The following SYNE2 variants were observed in gnomAD, a reference collection of about 807,000 sequenced individuals.
The protein encoded by SYNE2 is spectrin repeat containing nuclear envelope protein 2.
SYNE2 carries 431 observed loss-of-function variants against 856.3 expected under a neutral mutation model. That is an observed-to-expected ratio of 0.50 (90% CI 0.47 to 0.55). The LOEUF (loss-of-function observed/expected upper bound fraction) is 0.55, where lower values mean the gene tolerates loss of function less well. Ranked by LOEUF, SYNE2 falls within the 20% of genes least tolerant of loss-of-function variation. The pLI, the probability that SYNE2 is intolerant of heterozygous loss-of-function variation, is 0.00. For missense variants in SYNE2, 8,129 were observed against 8,023.2 expected (o/e 1.01, Z -0.50); for synonymous variants, 2,923 against 2,872.3 (o/e 1.02, Z -0.56).
chr14:63,914,507 A>G (rs1231868022), intron 2 of SYNE2, among the ~76,000 whole-genome samples: 1 of 152,204 alleles, frequency 6.6e-6, no homozygotes, highest in African/African-American at 2.4e-5. Flanking sequence ...AGGTACAGGA[A>G]GGCTGGAAAA....
At chr14:64,047,801 TC>T (rs1461715867) in intron 45 of SYNE2, among the ~76,000 whole-genome samples, 198 bp from the exon 46 acceptor site, 4 of 152,188 alleles carry the variant, frequency 2.6e-5, no homozygotes, top group African/African-American at 9.6e-5. Flanking sequence ...TACTACTTTG[TC>T]AAAGAAGGTT....
At chr14:63,943,400 A>AT (rs1351212724) in intron 6 of SYNE2, among the ~76,000 whole-genome samples, 1 of 152,192 alleles carries the variant, frequency 6.6e-6, no homozygotes, top group African/African-American at 2.4e-5. Context: ...CTCCATAATT[A>AT]TTTTAAAAAT....
chr14:64,038,105 GCTC>G (rs981315793), intron 45 of SYNE2, among the ~76,000 whole-genome samples: 1 of 151,968 alleles, frequency 6.6e-6, no homozygotes, highest in African/African-American at 2.4e-5. Flanking sequence ...GGGCAGAGAT[GCTC>G]CTCATCTCCC....
At chr14:63,974,892 G>GTATGTATATATATATATATA (rs2096527541) in intron 11 of SYNE2, among the ~76,000 whole-genome samples, 1 of 67,322 alleles carries the variant, frequency 1.5e-5, no homozygotes, top group Admixed American at 2.4e-4. Context: ...GTGTGTGTGT[G>GTATGTATATATATATATATA]TATATATATA....
At chr14:63,912,780 T>G (rs999079922) in intron 2 of SYNE2, among the ~76,000 whole-genome samples, 10 of 152,242 alleles carry the variant, frequency 6.6e-5, no homozygotes, top group Admixed American at 1.3e-4. Flanking sequence ...ATAGCCCGTA[T>G]GTACAGGGCC....
At chr14:64,047,745 A>G (rs765268906) in intron 45 of SYNE2, among the ~76,000 whole-genome samples, 2 of 152,134 alleles carry the variant, frequency 1.3e-5, no homozygotes, top group Non-Finnish European at 2.9e-5. Flanking sequence ...TGTCTTTAAG[A>G]CTATAGATTT....
intron 1 of SYNE2, among the ~76,000 whole-genome samples, chr14:63,891,977 A>G (rs1433291528): frequency 6.6e-6 from 1 of 152,148 alleles, no homozygotes; most frequent in Non-Finnish European, 1.5e-5. Flanking sequence ...ATTGGCAAAT[A>G]TTTTTCTCAA....
intron 96 of SYNE2, among the ~76,000 whole-genome samples, chr14:64,179,445 A>G (rs771186045): frequency 6.6e-6 from 1 of 152,234 alleles, no homozygotes; most frequent in Non-Finnish European, 1.5e-5. Flanking sequence ...CTGGCCTACA[A>G]TGTAACTTTT....
At chr14:64,139,652 A>G (rs1163035557) in intron 79 of SYNE2, among the ~76,000 whole-genome samples, 1 of 152,008 alleles carries the variant, frequency 6.6e-6, no homozygotes, top group Non-Finnish European at 1.5e-5. Flanking sequence ...ACCTCAGGCA[A>G]TCCACCTTTT....
At chr14:64,089,497 A>C in intron 58 of SYNE2, 77 bp from the exon 59 acceptor site, 1 of 1,456,352 alleles carries the variant, frequency 6.9e-7, no homozygotes, top group Non-Finnish European at 9.4e-7. Context: ...AGAGAATAAA[A>C]TTAATGCCAA....
chr14:63,935,919 G>T (rs2095824944), intron 2 of SYNE2, among the ~76,000 whole-genome samples: 1 of 152,146 alleles, frequency 6.6e-6, no homozygotes, highest in Non-Finnish European at 1.5e-5. Context: ...CTGTCACCCG[G>T]GCTGGAGTGC....
chr14:64,089,281 G>GCTTGAAC (rs1417636260), intron 58 of SYNE2, among the ~76,000 whole-genome samples: 1 of 147,136 alleles, frequency 6.8e-6, no homozygotes, highest in Non-Finnish European at 1.5e-5. Flanking sequence ...CAGGAGAATC[G>GCTTGAAC]CTTGAACCTG....
At chr14:64,037,021 CAG>C (rs1454975211) in intron 45 of SYNE2, among the ~76,000 whole-genome samples, 7 of 152,090 alleles carry the variant, frequency 4.6e-5, no homozygotes, top group Non-Finnish European at 8.8e-5. Context: ...ACTGTAGTGT[CAG>C]AGAGAGCTCC....
rs1315906572 is a variant in SYNE2 at position 64,009,958 on chromosome 14, A to G, written c.4578-8A>G. 8.1e-6 allele frequency: 13 copies of G among 1,612,230 alleles called. No homozygotes were observed. In the East Asian group the frequency reaches 1.8e-4, roughly 22 times the overall value. On this transcript the variant is annotated splice_region_variant and splice_polypyrimidine_tract_variant and intron_variant, in intron 31 of 115. Transcript: ENST00000555002. ...ACATTTAGCTATTGTATATTTTTCT[A>G]TTCTTAGTCTTGAACAATGTGGGAG...
intron 1 of SYNE2, among the ~76,000 whole-genome samples, chr14:63,900,597 G>A (rs1158768804): frequency 2.0e-5 from 3 of 152,152 alleles, no homozygotes; most frequent in Non-Finnish European, 4.4e-5. Context: ...TAAAATTCAG[G>A]ATGAGATTTG....
At chr14:64,015,799 C>G (rs2096887959) in intron 32 of SYNE2, among the ~76,000 whole-genome samples, 2 of 151,892 alleles carry the variant, frequency 1.3e-5, no homozygotes, top group African/African-American at 4.8e-5. Flanking sequence ...TCAGACTTTT[C>G]CTCATTTTTA....
chr14:63,958,184 A>G (rs896229908), intron 8 of SYNE2, among the ~76,000 whole-genome samples: 17 of 152,230 alleles, frequency 1.1e-4, no homozygotes, highest in African/African-American at 3.6e-4. Flanking sequence ...TACATTTGTT[A>G]TAATTAATGA....
chr14:64,096,223 A>T (rs908262838), intron 61 of SYNE2, among the ~76,000 whole-genome samples: 12 of 152,338 alleles, frequency 7.9e-5, no homozygotes, highest in African/African-American at 2.4e-4. Flanking sequence ...GACATTCTTA[A>T]GGAAAATGGA....
intron 17 of SYNE2, 142 bp downstream of exon 17, chr14:63,982,936 T>C (rs987563164): frequency 1.2e-6 from 1 of 843,122 alleles, no homozygotes; most frequent in Non-Finnish European, 1.9e-6. Flanking sequence ...AGAACATTTT[T>C]ATTACTTCAT....
Sources: allele counts gnomAD v4.1 joint callset (sites outside exome capture counted in the v4.1 genomes callset), GRCh38; gene constraint gnomAD v4.1.1; transcripts MANE v1.5; gene names NCBI Gene and HGNC (gene_info 2026-07-23, HGNC 2026-07-21).